The following CAMK2G variants were observed in gnomAD, a reference collection of about 807,000 sequenced individuals.
CAMK2G encodes the protein calcium/calmodulin-dependent protein kinase type II subunit gamma.
In CAMK2G, 23 loss-of-function variants were observed where a neutral mutation model predicts 88.7. The observed-to-expected ratio is 0.26, with a 90% CI of 0.19 to 0.37. The LOEUF is 0.37. CAMK2G is among the 10% of genes least tolerant of loss of function. The pLI is 1.00. For missense variants in CAMK2G, 476 were observed against 780.8 expected, an observed-to-expected ratio of 0.61 and a Z score of 4.65; for synonymous variants, 263 against 294.8, an observed-to-expected ratio of 0.89 and a Z score of 1.11.
intron 2 of CAMK2G, among the ~76,000 whole-genome samples, chr10:73,864,395 C>T (rs926773868): frequency 2.6e-5 from 4 of 152,134 alleles, no homozygotes; most frequent in Admixed American, 6.5e-5. Context: ...AATCCCTGCC[C>T]TCATGGAGCT....
chr10:73,814,993 C>T lies in CAMK2G; in HGVS notation c.*12+10G>A. ...CCTTCCAGCCCCTCTCCCCCGTCAA[C>T]CAGGTGCACCTGTGGCTGAGCTCAC... On this transcript the variant is annotated intron_variant, in intron 22 of 22. Coordinates refer to ENST00000423381, the MANE Select transcript of CAMK2G (RefSeq NM_001367534.1). The T allele has an allele frequency of 6.3e-7, 1 of 1,575,112 alleles. No individual in the cohort carries two copies. The highest frequency in any genetic ancestry group is 1.3e-5 in the African/African-American group (1 of 74,300).
chr10:73,816,148 A>G (rs1039846230), intron 21 of CAMK2G: 1 of 985,558 alleles, frequency 1.0e-6, no homozygotes, highest in African/African-American at 1.7e-5. Context: ...GGTCTCATAG[A>G]GCAGAGAGAA....
In CAMK2G at chr10:73,852,144, T is replaced by C. The variant is rs1482738660; in HGVS notation, c.341+110A>G. 4 of 799,648 alleles carry C rather than the reference T, an allele frequency of 5.0e-6. No homozygotes were observed. The East Asian group carries it at 9.8e-5, about 20-fold the overall frequency. 49.5% of individuals were successfully genotyped at this position (799,648 alleles called of 1,614,324 possible). A position where few individuals can be genotyped will look rare whatever the true frequency, so the allele number is the denominator to read the frequency against. The stretch of plus-strand genomic sequence containing the variant: ...TCTCCAGACAAGAGCTATTCTGATC[T>C]TCCCCAAAGACTATTCAAACAGGTA... On this transcript the variant is annotated intron_variant, in intron 5 of 22. Transcript: ENST00000423381.
intron 14 of CAMK2G, among the ~76,000 whole-genome samples, chr10:73,830,288 T>A (rs1367143209): frequency 6.6e-6 from 1 of 152,194 alleles, no homozygotes; most frequent in Non-Finnish European, 1.5e-5. Context: ...TTATTATTTT[T>A]TTAGAGATAA....
At chr10:73,816,621 G>A (rs2085611442) in intron 21 of CAMK2G, 13 of 636,852 alleles carry the variant, frequency 2.0e-5, no homozygotes, top group South Asian at 1.3e-4. Context: ...CACCACGCCC[G>A]GCTAATTTTT....
At chr10:73,840,963 G>A (rs2093729519) in intron 12 of CAMK2G, among the ~76,000 whole-genome samples, 1 of 152,182 alleles carries the variant, frequency 6.6e-6, no homozygotes, top group Admixed American at 6.5e-5. Context: ...GCGAGAGGTG[G>A]AGCCACACCA....
chr10:73,823,062 A>C (rs2089596271), intron 17 of CAMK2G, among the ~76,000 whole-genome samples: 1 of 151,938 alleles, frequency 6.6e-6, no homozygotes, highest in Non-Finnish European at 1.5e-5. Flanking sequence ...GGGTTTTGCC[A>C]TGTTGGCCAG....
intron 5 of CAMK2G, 86 bp downstream of exon 5, chr10:73,852,168 T>C (rs1399013591): frequency 3.2e-6 from 3 of 949,356 alleles, no homozygotes; most frequent in Admixed American, 1.7e-5. Context: ...TTCAAACAGG[T>C]ACAATGCTGG....
At position 73,812,780 on chromosome 10, in the gene CAMK2G, T is replaced by C. The variant is rs1362979893; in HGVS notation, c.*1738A>G. 6.5e-6 allele frequency: 1 copy of C among 152,700 alleles called. No individual in the cohort carries two copies. Among genetic ancestry groups the C allele is most frequent in the Non-Finnish European group, 1.5e-5 (1 of 68,052 alleles). 9.5% of individuals were successfully genotyped at this position (152,700 alleles called of 1,614,324 possible). A position where few individuals can be genotyped will look rare whatever the true frequency, so the allele number is the denominator to read the frequency against. ...TGAAGCTATGGGTCTCAATGAATTC[T>C]AAGACCATTTGTCTTCAAGCCAGCA... On this transcript the variant is annotated 3_prime_UTR_variant, in exon 23 of 23. Transcript: ENST00000423381.
chr10:73,815,164 C>T lies in CAMK2G; in HGVS notation c.1618G>A (p.Ala540Thr). The T allele has an allele frequency of 1.2e-6, 2 of 1,614,198 alleles. No individual in the cohort carries two copies. Among genetic ancestry groups the T allele is most frequent in the Non-Finnish European group, 1.7e-6 (2 of 1,180,006 alleles). ...ATGTACTGGGTGAGGCGGATGTAGG[C>T]GATGCACGCTGCGTCCTCCCCAATC... is the stretch of plus-strand genomic sequence containing the variant. The part of the protein sequence containing the change: ...HVIGEDAACI[A>T]YIRLTQYIDG... Residue 540 changes from alanine to threonine, a missense_variant, in exon 22 of 23, where the codon GCC (alanine) becomes ACC (threonine). Physicochemically the swap from Ala to Thr is moderately conservative, Grantham distance 58 (BLOSUM62 0). Coordinates refer to ENST00000423381, the MANE Select transcript of CAMK2G (RefSeq NM_001367534.1).
rs72814370 is a variant in CAMK2G at position 73,854,166 on chromosome 10, T to C, written c.221-920A>G. ...CCCCCATATTCAGGCAACAAAGCCC[T>C]GGCATCCAAAAGAAAGACCACTTAC... On this transcript the variant is annotated intron_variant, in intron 3 of 22. Transcript: ENST00000423381. Among the ~76,000 whole-genome samples, 554 of 152,320 alleles carry C rather than the reference T, an allele frequency of 3.6e-3. 2 individuals carry two copies. The highest frequency in any genetic ancestry group is 6.0e-3 in the Non-Finnish European group (409 of 68,024).
intron 14 of CAMK2G, among the ~76,000 whole-genome samples, chr10:73,830,098 C>T (rs1203229701): frequency 1.3e-5 from 2 of 152,180 alleles, no homozygotes; most frequent in Non-Finnish European, 2.9e-5. Context: ...TCCTGGCTTG[C>T]TCTCTTTTTC....
At chr10:73,816,019 T>A (rs1262353628) in intron 21 of CAMK2G, 1 of 985,184 alleles carries the variant, frequency 1.0e-6, no homozygotes, top group Admixed American at 6.1e-5. Flanking sequence ...AGTTTATATA[T>A]GTAGCTGAGA....
Position 73,848,396 on chromosome 10 carries a change from G to C in CAMK2G, c.601+130C>G. ...TGTGATGGGAACAGCCATCCCAGGG[G>C]CAAACACCATAATTTCACATACACC... On this transcript the variant is annotated intron_variant, in intron 8 of 22. Transcript: ENST00000423381. This position sits in a 1 kb window ranked among gnomAD's most constrained non-coding sequence, Gnocchi z 4.5. 1.4e-6 allele frequency: 1 copy of C among 710,910 alleles called. No homozygotes were observed. Among genetic ancestry groups the C allele is most frequent in the Non-Finnish European group, 2.6e-6 (1 of 389,472 alleles). The allele number at this position is 710,910 out of a possible 1,614,324, so 44.0% of individuals were successfully genotyped here.
chr10:73,844,247 G>C (rs2094051173), intron 10 of CAMK2G, among the ~76,000 whole-genome samples: 1 of 150,710 alleles, frequency 6.6e-6, no homozygotes. Context: ...ACCACAACCA[G>C]CTAATTTTTA....
At chr10:73,816,244 C>A in intron 21 of CAMK2G, 1 of 988,872 alleles carries the variant, frequency 1.0e-6, no homozygotes, top group Non-Finnish European at 1.2e-6. Flanking sequence ...CTATACAAGA[C>A]GTCTGCCTTC....
chr10:73,870,587 G>C (rs778468187), intron 2 of CAMK2G, among the ~76,000 whole-genome samples: 2 of 152,112 alleles, frequency 1.3e-5, no homozygotes, highest in Non-Finnish European at 2.9e-5. Context: ...TATCTTTTCA[G>C]TTTGTAGCCC....
chr10:73,870,416 C>T (rs1299812760), intron 2 of CAMK2G, among the ~76,000 whole-genome samples: 1 of 152,184 alleles, frequency 6.6e-6, no homozygotes, highest in Non-Finnish European at 1.5e-5. Context: ...GCAACCTAGC[C>T]GCCAATGTGG....
chr10:73,863,034 A>G (rs1349100484), intron 2 of CAMK2G, among the ~76,000 whole-genome samples: 1 of 152,268 alleles, frequency 6.6e-6, no homozygotes, highest in Non-Finnish European at 1.5e-5. Context: ...CAGGACTGTC[A>G]GTGTGAGATA....
Sources: gnomAD v4.1 joint callset for allele counts (sites outside exome capture counted in the v4.1 genomes callset) on GRCh38, gnomAD v4.1.1 for gene constraint, Gnocchi (gnomAD v3.1) non-coding constraint, MANE v1.5 for transcripts, NCBI Gene and HGNC (gene_info 2026-07-23, HGNC 2026-07-21) for gene names.